The following AKAP8L variants were observed in gnomAD, a reference collection of about 807,000 sequenced individuals.
AKAP8L encodes A-kinase anchor protein 8-like.
A neutral mutation model predicts 77.5 loss-of-function variants in AKAP8L; 34 were observed. That is an observed-to-expected ratio of 0.44 (90% CI 0.33 to 0.58). The LOEUF is 0.58. Among genes scored for constraint, AKAP8L ranks in the 20% least tolerant of loss-of-function variants. AKAP8L has a pLI of 0.02. For missense variants in AKAP8L, 806 were observed against 887.6 expected (o/e 0.91, Z 1.17); for synonymous variants, 342 against 340.7 (o/e 1.00, Z -0.04).
Position 15,403,944 on chromosome 19 carries a change from G to GT in AKAP8L, c.121+65dup. The GT allele has an allele frequency of 6.3e-7, 1 of 1,580,168 alleles. No homozygotes were observed. Among genetic ancestry groups the GT allele is most frequent in the Non-Finnish European group, 8.7e-7 (1 of 1,151,358 alleles). On this transcript the variant is annotated intron_variant, in intron 3 of 13. Coordinates refer to ENST00000397410, the MANE Select transcript of AKAP8L (RefSeq NM_014371.4). The surrounding 1 kb of genome is among the most constrained non-coding windows in gnomAD (Gnocchi z 4.3). ...CTCCCAACCTTGGCCAAGCAGGGCA[G>GT]TGGCAGAGAAACACAGCCAGGACAA...
chr19:15,384,360 C>T (rs1349579529), intron 12 of AKAP8L, among the ~76,000 whole-genome samples: 10 of 145,474 alleles, frequency 6.9e-5, no homozygotes, highest in Admixed American at 1.4e-4. Context: ...AGTGCAATGG[C>T]GCGATCTTGG....
At position 15,399,514 on chromosome 19, in the gene AKAP8L, C is replaced by T. The variant is rs553508538; in HGVS notation, c.1049-104G>A. 4.6e-5 allele frequency: 39 copies of T among 839,014 alleles called. No individual in the cohort carries two copies. Among genetic ancestry groups the T allele is most frequent in the South Asian group, 3.0e-4 (22 of 73,216 alleles). The allele number at this position is 839,014 out of a possible 1,614,324, so 52.0% of individuals were successfully genotyped here. ...CCACTGTCCACTCCAGAGGGTCCAT[C>T]GAGAATAGCTGTCCAAGCAAGGCCT... is the stretch of plus-strand genomic sequence containing the variant. On this transcript the variant is annotated intron_variant, in intron 8 of 13. Transcript: ENST00000397410. The surrounding 1 kb of genome is among the most constrained non-coding windows in gnomAD (Gnocchi z 6.1).
intron 2 of AKAP8L, 42 bp from the exon 3 acceptor site, chr19:15,404,084 A>G (rs1967953005): frequency 6.3e-7 from 1 of 1,599,348 alleles, no homozygotes; most frequent in Non-Finnish European, 8.6e-7. Context: ...ACTTGCTTAC[A>G]ATACAAGGCC....
intron 12 of AKAP8L, chr19:15,383,799 C>T (rs921731528): frequency 6.6e-6 from 1 of 152,052 alleles, no homozygotes; most frequent in Non-Finnish European, 1.5e-5. Flanking sequence ...TCCTACTCCC[C>T]GACTGATATT....
Position 15,399,307 on chromosome 19 carries a change from C to A in AKAP8L, c.1152G>T (p.Val384=), listed in dbSNP as rs368867533. Residue 384 remains valine (V), a synonymous_variant, in exon 9 of 14, where the codon GTG becomes GTT. Coordinates refer to ENST00000397410, the MANE Select transcript of AKAP8L (RefSeq NM_014371.4). This position sits in a 1 kb window ranked among gnomAD's most constrained non-coding sequence, Gnocchi z 6.1. ...GGTGGAGGGAAGCTGGTTACCTTTCCACCATGCGGTCTCGCTGCCGCTTTT... is the reference window on the plus strand; with the variant it reads ...GGTGGAGGGAAGCTGGTTACCTTTCAACCATGCGGTCTCGCTGCCGCTTTT... ...KQKKRQRDRM[V]ERIQFVCSLC... 5 of 1,613,688 alleles carry A rather than the reference C, an allele frequency of 3.1e-6. No homozygotes were observed. The highest frequency in any genetic ancestry group is 4.2e-6 in the Non-Finnish European group (5 of 1,179,660).
chr19:15,410,232 C>T (rs936766508), intron 2 of AKAP8L, among the ~76,000 whole-genome samples: 2 of 152,156 alleles, frequency 1.3e-5, no homozygotes, highest in Non-Finnish European at 1.5e-5. Flanking sequence ...CAGGAGCCAC[C>T]GCGCCTGGCC....
chr19:15,401,943 G>A lies in AKAP8L; in HGVS notation c.363-340C>T, dbSNP rs972442935. Among the ~76,000 whole-genome samples the A allele has an allele frequency of 2.0e-5, 3 of 152,198 alleles. No homozygotes were observed. Among genetic ancestry groups the A allele is most frequent in the African/African-American group, 7.2e-5 (3 of 41,446 alleles). ...GTACACCATCTGTGGGAGCTGCAAC[G>A]CCCAAGGCTGCTCCTCACAGGGCAA... On this transcript the variant is annotated intron_variant, in intron 4 of 13. Transcript: ENST00000397410. The surrounding 1 kb of genome is among the most constrained non-coding windows in gnomAD (Gnocchi z 6.2).
At position 15,399,672 on chromosome 19, in the gene AKAP8L, G is replaced by A. The variant is rs1202545570; in HGVS notation, c.1049-262C>T. On this transcript the variant is annotated intron_variant, in intron 8 of 13. Coordinates refer to ENST00000397410, the MANE Select transcript of AKAP8L (RefSeq NM_014371.4). The surrounding 1 kb of genome is among the most constrained non-coding windows in gnomAD (Gnocchi z 6.1). ...ATGCTCTCTGTGCAGTGGGCCAGGAGGAGGCTGGAAAGCAAAGAGGGGGTA... is the reference window on the plus strand; with the variant it reads ...ATGCTCTCTGTGCAGTGGGCCAGGAAGAGGCTGGAAAGCAAAGAGGGGGTA... The A allele has an allele frequency of 3.9e-6, 2 of 507,296 alleles. No homozygotes were observed. Among genetic ancestry groups the A allele is most frequent in the East Asian group, 3.5e-5 (1 of 28,220 alleles). 31.4% of individuals were successfully genotyped at this position (507,296 alleles called of 1,614,324 possible).
chr19:15,397,065 TG>T lies in AKAP8L; in HGVS notation c.1536+84del. 6.4e-7 allele frequency: 1 copy of T among 1,568,816 alleles called. No individual in the cohort carries two copies. The highest frequency in any genetic ancestry group is 1.3e-5 in the African/African-American group (1 of 74,216). ...GCCTCCACTGCAGTCCCTCACGGGC[TG>T]GCAGAGGTTCCAACTGCACAACCTC... On this transcript the variant is annotated intron_variant, in intron 12 of 13. Transcript: ENST00000397410. This position sits in a 1 kb window ranked among gnomAD's most constrained non-coding sequence, Gnocchi z 4.7.
rs563879464 is a variant in AKAP8L, at chr19:15,398,675, G to A, written c.1157+627C>T. 5 of 987,498 alleles carry A rather than the reference G, an allele frequency of 5.1e-6. No homozygotes were observed. The African/African-American group carries it at 8.7e-5, about 17-fold the overall frequency. 61.2% of individuals were successfully genotyped at this position (987,498 alleles called of 1,614,324 possible). A position where few individuals can be genotyped will look rare whatever the true frequency, so the allele number is the denominator to read the frequency against. On this transcript the variant is annotated intron_variant, in intron 9 of 13. Coordinates refer to ENST00000397410, the MANE Select transcript of AKAP8L (RefSeq NM_014371.4). This position sits in a 1 kb window ranked among gnomAD's most constrained non-coding sequence, Gnocchi z 9.2. ...TGGGCCACGGGGTCAGCTTTGTCTGGAGAGCCCAGGGGCCGGGCGCCGGCG... is the reference window on the plus strand; with the variant it reads ...TGGGCCACGGGGTCAGCTTTGTCTGAAGAGCCCAGGGGCCGGGCGCCGGCG...
intron 2 of AKAP8L, among the ~76,000 whole-genome samples, chr19:15,405,138 A>G (rs1257249974): frequency 6.6e-6 from 1 of 152,172 alleles, no homozygotes; most frequent in Non-Finnish European, 1.5e-5. Flanking sequence ...GGTAAGAGAG[A>G]TGCTAACAGC....
intron 12 of AKAP8L, among the ~76,000 whole-genome samples, chr19:15,385,830 C>T (rs1425768037): frequency 6.6e-6 from 1 of 151,750 alleles, no homozygotes; most frequent in African/African-American, 2.4e-5. Context: ...AACTCCTGGG[C>T]TCAAATGATC....
chr19:15,382,487 G>A (rs751403581), intron 12 of AKAP8L, among the ~76,000 whole-genome samples: 2 of 152,152 alleles, frequency 1.3e-5, no homozygotes, highest in Non-Finnish European at 2.9e-5. Context: ...ACAGGCGTGA[G>A]CCACCACGCC....
Position 15,403,827 on chromosome 19 carries a change from A to G in AKAP8L, c.122-112T>C. ...GTATCTTCTGTCACAGAGAGAGAAGACCCTAGCCACTGAAGCTAGATGGGC... is the reference window on the plus strand; with the variant it reads ...GTATCTTCTGTCACAGAGAGAGAAGGCCCTAGCCACTGAAGCTAGATGGGC... On this transcript the variant is annotated intron_variant, in intron 3 of 13. Coordinates refer to ENST00000397410, the MANE Select transcript of AKAP8L (RefSeq NM_014371.4). This position sits in a 1 kb window ranked among gnomAD's most constrained non-coding sequence, Gnocchi z 4.3. 1 of 1,094,668 alleles carries G rather than the reference A, an allele frequency of 9.1e-7. No individual in the cohort carries two copies. 67.8% of individuals were successfully genotyped at this position (1,094,668 alleles called of 1,614,324 possible). A position where few individuals can be genotyped will look rare whatever the true frequency, so the allele number is the denominator to read the frequency against.
intron 12 of AKAP8L, 117 bp from the exon 13 acceptor site, chr19:15,380,729 C>A: frequency 1.2e-6 from 1 of 850,344 alleles, no homozygotes; most frequent in Non-Finnish European, 1.9e-6. Context: ...CACTTCCAGC[C>A]CCACCAACGG....
intron 12 of AKAP8L, 178 bp from the exon 13 acceptor site, chr19:15,380,790 T>G: frequency 3.3e-6 from 2 of 603,446 alleles, no homozygotes; most frequent in Non-Finnish European, 5.9e-6. Flanking sequence ...TTTGTTCAAA[T>G]TCCCTCTCCT....
At chr19:15,396,989 G>C (rs2038196427) in intron 12 of AKAP8L, among the ~76,000 whole-genome samples, 161 bp downstream of exon 12, 1 of 152,106 alleles carries the variant, frequency 6.6e-6, no homozygotes. Flanking sequence ...CCCTCTCTCT[G>C]TAGCTGTGCT....
chr19:15,400,101 C>T, intron 8 of AKAP8L, 194 bp downstream of exon 8: 1 of 620,864 alleles, frequency 1.6e-6, no homozygotes, highest in South Asian at 1.9e-5. Flanking sequence ...CAGCCTCCGC[C>T]TGGGAAGGAG....
Position 15,400,290 on chromosome 19 carries a change from C to CCGG in AKAP8L, c.1048+4_1048+5insCCG. 5 of 1,593,098 alleles carry CCGG rather than the reference C, an allele frequency of 3.1e-6. No homozygotes were observed. The highest frequency in any genetic ancestry group is 1.3e-5 in the African/African-American group (1 of 74,630). ...CCTAGCACCAGGCACCCCAGGAAAACTCACCCTTCTCTGGATCCTCTTTGC... is the reference window on the plus strand; with the variant it reads ...CCTAGCACCAGGCACCCCAGGAAAACCGGTCACCCTTCTCTGGATCCTCTTTGC... On this transcript the variant is annotated splice_donor_region_variant and intron_variant, in intron 8 of 13. Coordinates refer to ENST00000397410, the MANE Select transcript of AKAP8L (RefSeq NM_014371.4).
Sources: allele counts gnomAD v4.1 joint callset (sites outside exome capture counted in the v4.1 genomes callset), GRCh38; gene constraint gnomAD v4.1.1; non-coding constraint Gnocchi (gnomAD v3.1); transcripts MANE v1.5; gene names NCBI Gene and HGNC (gene_info 2026-07-23, HGNC 2026-07-21).